ADGRG7: variants seen among roughly 807,000 people sequenced by gnomAD.
ADGRG7 encodes adhesion G protein-coupled receptor G7.
A neutral mutation model predicts 88.6 loss-of-function variants in ADGRG7; 82 were observed. The ratio of observed to expected loss-of-function variants is 0.93; its 90% CI spans 0.77 to 1.11. The LOEUF is 1.11. Ranked by LOEUF, ADGRG7 falls within the 50% of genes most tolerant of loss-of-function variation. ADGRG7 has a pLI of 0.00. For synonymous variants in ADGRG7, 381 were observed against 345.2 expected (o/e 1.10, Z -1.15); for missense variants, 945 against 953.4 (o/e 0.99, Z 0.12).
intron 3 of ADGRG7, 32 bp downstream of exon 3, chr3:100,630,841 A>C (rs199532239): frequency 8.3e-7 from 1 of 1,204,208 alleles, no homozygotes; most frequent in African/African-American, 1.6e-5. Context: ...TACTCTATGC[A>C]TAAGAATTAC....
chr3:100,641,186 G>A lies in ADGRG7; in HGVS notation c.699-2080G>A, dbSNP rs553845015. On this transcript the variant is annotated intron_variant, in intron 6 of 15. Transcript: ENST00000273352. ...TGCAAAGTTTAAGGACAGCTGCCTGGGAAGCACAAATTCCAAAAAATGGAA... is the reference window on the plus strand; with the variant it reads ...TGCAAAGTTTAAGGACAGCTGCCTGAGAAGCACAAATTCCAAAAAATGGAA... 3.3e-5 allele frequency among the ~76,000 whole-genome samples: 5 copies of A among 152,188 alleles called. No homozygotes were observed. In the South Asian group the frequency reaches 6.2e-4, roughly 19 times the overall value.
At chr3:100,648,451 T>C (rs1707794563) in intron 10 of ADGRG7, among the ~76,000 whole-genome samples, 1 of 152,246 alleles carries the variant, frequency 6.6e-6, no homozygotes, top group Non-Finnish European at 1.5e-5. Flanking sequence ...TATTTTTAAA[T>C]GTGTATTTTG....
intron 1 of ADGRG7, among the ~76,000 whole-genome samples, chr3:100,616,141 G>T (rs532678159): frequency 6.6e-6 from 1 of 152,002 alleles, no homozygotes; most frequent in Admixed American, 6.6e-5. Context: ...CCCCAGGATC[G>T]TAAAAGAAGT....
At chr3:100,687,017 G>A (rs1238110539) in intron 15 of ADGRG7, among the ~76,000 whole-genome samples, 2 of 152,164 alleles carry the variant, frequency 1.3e-5, no homozygotes, top group Non-Finnish European at 2.9e-5. Flanking sequence ...CATGAGCATG[G>A]AATGTTCTTC....
In ADGRG7 at chr3:100,641,664, G is replaced by A. The variant is rs375923960; in HGVS notation, c.699-1602G>A. Among the ~76,000 whole-genome samples the A allele has an allele frequency of 2.0e-4, 31 of 152,346 alleles. No homozygotes were observed. The East Asian group carries it at 4.4e-3, about 22-fold the overall frequency. On this transcript the variant is annotated intron_variant, in intron 6 of 15. Transcript: ENST00000273352. The stretch of plus-strand genomic sequence containing the variant: ...CCTTTTGACATAATAAATTTAGAGG[G>A]TCTTGAAATTTTATTTTCTTTTATT...
chr3:100,646,228 G>GGGTT, intron 9 of ADGRG7, 120 bp downstream of exon 9: 1 of 199,624 alleles, frequency 5.0e-6, no homozygotes, highest in Non-Finnish European at 9.9e-6. Context: ...GGGGGGGAGG[G>GGGTT]TTTTCCATGA....
Position 100,615,011 on chromosome 3 carries a change from C to T in ADGRG7, c.115+5040C>T, listed in dbSNP as rs114187605. ...ATGTTATAAAAGAAAAATATTGCTA[C>T]TAAATGTATTCCAAAATATGGAGCC... On this transcript the variant is annotated intron_variant, in intron 1 of 15. Transcript: ENST00000273352. Among the ~76,000 whole-genome samples the T allele has an allele frequency of 7.0e-3, 1,065 of 152,192 alleles. 9 individuals carry two copies. Among genetic ancestry groups the T allele is most frequent in the African/African-American group, 0.013 (541 of 41,508 alleles).
intron 1 of ADGRG7, among the ~76,000 whole-genome samples, chr3:100,622,293 G>A (rs1553690203): frequency 7.6e-6 from 1 of 131,092 alleles, no homozygotes; most frequent in Non-Finnish European, 1.6e-5. Context: ...TTTGCTTATG[G>A]TTGTCCAGTT....
At chr3:100,659,903 A>T in intron 14 of ADGRG7, 60 bp downstream of exon 14, 2 of 1,475,280 alleles carry the variant, frequency 1.4e-6, no homozygotes, top group Non-Finnish European at 1.9e-6. Flanking sequence ...TTAACGCAGC[A>T]CCATAACACA....
chr3:100,639,959 C>G (rs1389137825), intron 6 of ADGRG7, among the ~76,000 whole-genome samples: 3 of 152,152 alleles, frequency 2.0e-5, no homozygotes, highest in Non-Finnish European at 4.4e-5. Context: ...CCTTTTATCA[C>G]TCTGAATTTC....
At chr3:100,629,414 A>G (rs1452830887) in intron 1 of ADGRG7, among the ~76,000 whole-genome samples, 184 bp from the exon 2 acceptor site, 1 of 152,038 alleles carries the variant, frequency 6.6e-6, no homozygotes, top group African/African-American at 2.4e-5. Context: ...AGCATCTAGT[A>G]AGCATTGTAC....
At chr3:100,685,653 C>T (rs530205861) in intron 15 of ADGRG7, among the ~76,000 whole-genome samples, 1 of 152,082 alleles carries the variant, frequency 6.6e-6, no homozygotes, top group African/African-American at 2.4e-5. Context: ...CGATAGTTTG[C>T]TGAGAATGAT....
At position 100,652,518 on chromosome 3, in the gene ADGRG7, C is replaced by G. The variant is rs138106036; in HGVS notation, c.1380-2317C>G. 4.5e-3 allele frequency among the ~76,000 whole-genome samples: 691 copies of G among 152,102 alleles called. 6 individuals carry two copies. The highest frequency in any genetic ancestry group is 0.017 in the Middle Eastern group (5 of 294). The stretch of plus-strand genomic sequence containing the variant: ...GTAGAGATTTTATAACTTTTATTGG[C>G]GAGGAACTGTCTGCCATAGTGTACA... On this transcript the variant is annotated intron_variant, in intron 11 of 15. Transcript: ENST00000273352.
chr3:100,692,559 TA>T (rs1195887674), intron 15 of ADGRG7, among the ~76,000 whole-genome samples: 1 of 152,116 alleles, frequency 6.6e-6, no homozygotes, highest in Non-Finnish European at 1.5e-5. Flanking sequence ...GGTAAAATGA[TA>T]AAAATTACAA....
intron 1 of ADGRG7, among the ~76,000 whole-genome samples, chr3:100,611,487 C>T (rs2149009586): frequency 6.6e-6 from 1 of 152,128 alleles, no homozygotes; most frequent in South Asian, 2.1e-4. Context: ...GGATGGGGGA[C>T]AGAAAACCTG....
At position 100,672,739 on chromosome 3, in the gene ADGRG7, C is replaced by G. The variant is rs559132443; in HGVS notation, c.2136+3634C>G. Among the ~76,000 whole-genome samples, 5 of 152,112 alleles carry G rather than the reference C, an allele frequency of 3.3e-5. No homozygotes were observed. In the East Asian group the frequency reaches 9.6e-4, roughly 29 times the overall value. On this transcript the variant is annotated intron_variant, in intron 15 of 15. Coordinates refer to ENST00000273352, the MANE Select transcript of ADGRG7 (RefSeq NM_032787.3). Reference sequence around the variant, plus strand: ...ATTTTGAGATGTGTTTCATCAATACCTAGTTTATTGAGAAGTTTTAGCATG... The same window carrying G: ...ATTTTGAGATGTGTTTCATCAATACGTAGTTTATTGAGAAGTTTTAGCATG...
At chr3:100,689,119 T>C (rs1019091395) in intron 15 of ADGRG7, among the ~76,000 whole-genome samples, 30 of 152,362 alleles carry the variant, frequency 2.0e-4, no homozygotes, top group African/African-American at 6.7e-4. Context: ...TTGATCCCTT[T>C]ACCATTATGT....
At chr3:100,670,481 G>A (rs114136747) in intron 15 of ADGRG7, among the ~76,000 whole-genome samples, 1,663 of 152,304 alleles carry the variant, frequency 0.011, 31 homozygotes, top group African/African-American at 0.039. Flanking sequence ...CGGGAGTGCA[G>A]ATATTTCTTT....
chr3:100,651,663 G>A (rs2094929484), intron 11 of ADGRG7, among the ~76,000 whole-genome samples: 1 of 151,602 alleles, frequency 6.6e-6, no homozygotes, highest in Non-Finnish European at 1.5e-5. Context: ...GGGCAATACA[G>A]CAAGATCACA....
Sources: allele counts gnomAD v4.1 joint callset (sites outside exome capture counted in the v4.1 genomes callset), GRCh38; gene constraint gnomAD v4.1.1; transcripts MANE v1.5; gene names NCBI Gene and HGNC (gene_info 2026-07-23, HGNC 2026-07-21).